RIPOR1: variants seen among roughly 807,000 people sequenced by gnomAD.
The protein encoded by RIPOR1 is RHO family interacting cell polarization regulator 1, also known as rho family-interacting cell polarization regulator 1.
In RIPOR1, 58 loss-of-function variants were observed where a neutral mutation model predicts 116.5. That is an observed-to-expected ratio of 0.50 (90% CI 0.40 to 0.62). The LOEUF is 0.62. Ranked by LOEUF, RIPOR1 falls within the 20% of genes least tolerant of loss-of-function variation. The pLI is 0.00. For missense variants in RIPOR1, 1,372 were observed against 1,586.2 expected (o/e 0.86, Z 2.29); for synonymous variants, 605 against 650.0 (o/e 0.93, Z 1.05).
chr16:67,542,233 C>T lies in RIPOR1; in HGVS notation c.1447C>T (p.Pro483Ser). Residue 483 changes from proline to serine, a missense_variant, in exon 13 of 22, where the codon CCA (proline) becomes TCA (serine). By Grantham distance (74) the Pro-to-Ser change is moderately conservative. Coordinates refer to ENST00000042381, the MANE Select transcript of RIPOR1 (RefSeq NM_024519.4). This position sits in a 1 kb window ranked among gnomAD's most constrained non-coding sequence, Gnocchi z 4.6. ...CTGGGGACCTAGCCCACCTACACACCCAGCTCCCACCCATGGAGAGCACCC... is the reference window on the plus strand; with the variant it reads ...CTGGGGACCTAGCCCACCTACACACTCAGCTCCCACCCATGGAGAGCACCC... ...LAWGPSPPTH[P>S]APTHGEHPSP... 4.3e-6 allele frequency: 7 copies of T among 1,613,558 alleles called. No homozygotes were observed. Among genetic ancestry groups the T allele is most frequent in the Non-Finnish European group, 5.1e-6 (6 of 1,179,648 alleles).
intron 1 of RIPOR1, among the ~76,000 whole-genome samples, chr16:67,532,153 C>A (rs2050678689): frequency 6.6e-6 from 1 of 152,092 alleles, no homozygotes; most frequent in Admixed American, 6.5e-5. Flanking sequence ...CCCTCCTCAG[C>A]CTCCCAAAGT....
Position 67,542,071 on chromosome 16 carries a change from G to A in RIPOR1, c.1285G>A (p.Glu429Lys), listed in dbSNP as rs754372118. Residue 429 changes from glutamate to lysine, a missense_variant, in exon 13 of 22, where the codon GAG becomes AAG. This residue lies in a region of RIPOR1 where 1,005 missense variants were observed against 1,144.7 expected (regional missense o/e 0.88). Transcript: ENST00000042381. The surrounding 1 kb of genome is among the most constrained non-coding windows in gnomAD (Gnocchi z 4.6). ...PETPSSGPLD[E>K]EGAVAPVLAN... The stretch of plus-strand genomic sequence containing the variant: ...GACCCCCAGCTCTGGGCCCTTGGAT[G>A]AGGAGGGGGCCGTGGCCCCAGTCCT... 5.6e-6 allele frequency: 9 copies of A among 1,606,244 alleles called. No individual in the cohort carries two copies. The highest frequency in any genetic ancestry group is 5.0e-5 in the Admixed American group (3 of 59,722).
chr16:67,522,025 TTTGTTG>T (rs34745420), intron 1 of RIPOR1, among the ~76,000 whole-genome samples: 27 of 151,558 alleles, frequency 1.8e-4, no homozygotes, highest in Admixed American at 1.6e-3. Context: ...CACCATGTTT[TTTGTTG>T]TTGTTGTTGT....
chr16:67,523,684 CTT>C (rs374534111), intron 1 of RIPOR1, among the ~76,000 whole-genome samples: 12 of 144,858 alleles, frequency 8.3e-5, no homozygotes, highest in Admixed American at 1.4e-4. Context: ...TACCCTTAAA[CTT>C]TTTTTTTTTT....
In RIPOR1 at chr16:67,544,056, T is replaced by C. The variant is rs1216153231; in HGVS notation, c.2601-243T>C. ...CCCGCCTGCAGCCTACTCCTACCCATGCCATCCCCAGTGGTCCCAGCTGGA... is the reference window on the plus strand; with the variant it reads ...CCCGCCTGCAGCCTACTCCTACCCACGCCATCCCCAGTGGTCCCAGCTGGA... On this transcript the variant is annotated intron_variant, in intron 14 of 21. Coordinates refer to ENST00000042381, the MANE Select transcript of RIPOR1 (RefSeq NM_024519.4). This position sits in a 1 kb window ranked among gnomAD's most constrained non-coding sequence, Gnocchi z 5.1. Among the ~76,000 whole-genome samples the C allele has an allele frequency of 1.3e-5, 2 of 152,086 alleles. No homozygotes were observed. The highest frequency in any genetic ancestry group is 2.9e-5 in the Non-Finnish European group (2 of 68,008).
In RIPOR1 at chr16:67,540,283, C is replaced by T. The variant is rs764959997; in HGVS notation, c.568-17C>T. ...GCTGGCCCTTGACCCCCTCCTGTCCCTGCCCCTCCCTCCCAGAGCATGTGT... is the reference window on the plus strand; with the variant it reads ...GCTGGCCCTTGACCCCCTCCTGTCCTTGCCCCTCCCTCCCAGAGCATGTGT... On this transcript the variant is annotated splice_polypyrimidine_tract_variant and intron_variant, in intron 7 of 21. Coordinates refer to ENST00000042381, the MANE Select transcript of RIPOR1 (RefSeq NM_024519.4). This position sits in a 1 kb window ranked among gnomAD's most constrained non-coding sequence, Gnocchi z 4.7. 2 of 1,613,980 alleles carry T rather than the reference C, an allele frequency of 1.2e-6. No individual in the cohort carries two copies. The highest frequency in any genetic ancestry group is 2.2e-5 in the South Asian group (2 of 91,090).
chr16:67,527,817 C>A (rs534315147), upstream of RIPOR1, among the ~76,000 whole-genome samples: 1 of 148,190 alleles, frequency 6.7e-6, no homozygotes, highest in Non-Finnish European at 1.5e-5. Flanking sequence ...GGAGCTTGCA[C>A]TGCATTCCAG....
intron 1 of RIPOR1, among the ~76,000 whole-genome samples, chr16:67,535,201 T>C (rs184792389): frequency 1.3e-5 from 2 of 152,312 alleles, no homozygotes; most frequent in East Asian, 3.9e-4. Context: ...GGAGAAAGTC[T>C]GAAACACCCC....
upstream of RIPOR1, among the ~76,000 whole-genome samples, chr16:67,525,331 C>G (rs2050530466): frequency 6.6e-6 from 1 of 152,192 alleles, no homozygotes; most frequent in African/African-American, 2.4e-5. Flanking sequence ...GAGATCTCAC[C>G]TCTGGTCACC....
At chr16:67,532,645 A>T (rs1210034844) in intron 1 of RIPOR1, among the ~76,000 whole-genome samples, 1 of 152,084 alleles carries the variant, frequency 6.6e-6, no homozygotes, top group Admixed American at 6.6e-5. Flanking sequence ...CTTTTTACAG[A>T]TGGGTGTCTG....
chr16:67,535,464 T>C (rs1286821629), intron 1 of RIPOR1, among the ~76,000 whole-genome samples: 3 of 152,244 alleles, frequency 2.0e-5, no homozygotes, highest in Non-Finnish European at 4.4e-5. Flanking sequence ...ATGGTGGCTG[T>C]GGATCCAGGC....
chr16:67,531,221 G>A lies in RIPOR1; in HGVS notation c.-24+2307G>A, dbSNP rs965161325. 6.6e-6 allele frequency among the ~76,000 whole-genome samples: 1 copy of A among 151,972 alleles called. No individual in the cohort carries two copies. Among genetic ancestry groups the A allele is most frequent in the African/African-American group, 2.4e-5 (1 of 41,358 alleles). On this transcript the variant is annotated intron_variant, in intron 1 of 21. Coordinates refer to ENST00000042381, the MANE Select transcript of RIPOR1 (RefSeq NM_024519.4). The surrounding 1 kb of genome is among the most constrained non-coding windows in gnomAD (Gnocchi z 4.2). ...AGGGAGAGGGAGGATTGCATGTCGG[G>A]TAGGGGAGTTGGGGTGGACATAGAC...
Position 67,536,548 on chromosome 16 carries a change from A to AG in RIPOR1, c.-23-1873dup, listed in dbSNP as rs754548567. 4.6e-5 allele frequency among the ~76,000 whole-genome samples: 7 copies of AG among 152,182 alleles called. No homozygotes were observed. The South Asian group carries it at 8.3e-4, about 18-fold the overall frequency. ...CATTAGCCTAGGATGCAGCTTGACT[A>AG]GGGAGGAGGCCCTGGCTGGCAGCCA... On this transcript the variant is annotated intron_variant, in intron 1 of 21. Transcript: ENST00000042381.
At position 67,528,832 on chromosome 16, in the gene RIPOR1, G is replaced by T; in HGVS notation, c.-106G>T. On this transcript the variant is annotated 5_prime_UTR_variant, in exon 1 of 22. Transcript: ENST00000042381. ...GGGAGGGGCCGGCGCCTGCGGCGGC[G>T]ACAGCGGCAGCTGCGGCGCGACCAG... The T allele has an allele frequency of 6.4e-6, 1 of 157,098 alleles. No homozygotes were observed. Among genetic ancestry groups the T allele is most frequent in the South Asian group, 1.7e-4 (1 of 6,056 alleles). 9.7% of individuals were successfully genotyped at this position (157,098 alleles called of 1,614,324 possible).
At position 67,545,480 on chromosome 16, in the gene RIPOR1, G is replaced by A. The variant is rs2051133130; in HGVS notation, c.3136G>A (p.Glu1046Lys). 1 of 1,613,998 alleles carries A rather than the reference G, an allele frequency of 6.2e-7. No homozygotes were observed. Among genetic ancestry groups the A allele is most frequent in the African/African-American group, 1.3e-5 (1 of 75,058 alleles). Residue 1046 changes from glutamate to lysine, a missense_variant, in exon 18 of 22, where the codon GAA (glutamate) becomes AAA (lysine). This residue lies in a region of RIPOR1 where 1,005 missense variants were observed against 1,144.7 expected (regional missense o/e 0.88). Coordinates refer to ENST00000042381, the MANE Select transcript of RIPOR1 (RefSeq NM_024519.4). This position sits in a 1 kb window ranked among gnomAD's most constrained non-coding sequence, Gnocchi z 4.8. Reference protein sequence around the residue: ...LTVFQFWSFVETLDSPTMEAY... With the variant: ...LTVFQFWSFVKTLDSPTMEAY... ...AGTCTTCCAGTTCTGGAGTTTTGTG[G>A]AAACCTTGGACAGCCCCACCATGGA...
chr16:67,539,914 T>C lies in RIPOR1; in HGVS notation c.414+15T>C, dbSNP rs749156822. 1.4e-5 allele frequency: 22 copies of C among 1,613,966 alleles called. No homozygotes were observed. Among genetic ancestry groups the C allele is most frequent in the East Asian group, 2.2e-5 (1 of 44,892 alleles). On this transcript the variant is annotated intron_variant, in intron 6 of 21. Coordinates refer to ENST00000042381, the MANE Select transcript of RIPOR1 (RefSeq NM_024519.4). ...ATGCCAGCAAGGTACGAGTGCAGCA[T>C]GTGTGCAGAGTGGGGTGGGGGGTTG...
rs776731226 is a variant in RIPOR1 at position 67,545,152 on chromosome 16, A to C, written c.3031+35A>C. On this transcript the variant is annotated intron_variant, in intron 17 of 21. Coordinates refer to ENST00000042381, the MANE Select transcript of RIPOR1 (RefSeq NM_024519.4). This position sits in a 1 kb window ranked among gnomAD's most constrained non-coding sequence, Gnocchi z 4.8. Reference sequence around the variant, plus strand: ...CTGCTTCCTCCTTCCACCCTTGCTCAGATTCCCAGTGACAGGAAGCTCGGG... The same window carrying C: ...CTGCTTCCTCCTTCCACCCTTGCTCCGATTCCCAGTGACAGGAAGCTCGGG... 1 of 1,602,936 alleles carries C rather than the reference A, an allele frequency of 6.2e-7. No individual in the cohort carries two copies. Among genetic ancestry groups the C allele is most frequent in the Non-Finnish European group, 8.5e-7 (1 of 1,175,748 alleles).
rs758853520 is a variant in RIPOR1 at position 67,542,912 on chromosome 16, C to T, written c.2126C>T (p.Pro709Leu). ...PGTDSLPCSP[P>L]VSNSYTQADP... ...ACTGACTCCCTTCCCTGTAGTCCCC[C>T]AGTCTCCAATTCCTACACTCAGGCA... The change falls in exon 13 of 22, where the codon CCA (proline) becomes CTA (leucine). Residue 709 changes from proline to leucine, a missense_variant. This residue lies in a region of RIPOR1 where 1,005 missense variants were observed against 1,144.7 expected (regional missense o/e 0.88). Transcript: ENST00000042381. This position sits in a 1 kb window ranked among gnomAD's most constrained non-coding sequence, Gnocchi z 4.6. The T allele has an allele frequency of 1.9e-6, 3 of 1,607,374 alleles. No homozygotes were observed. The highest frequency in any genetic ancestry group is 2.2e-5 in the East Asian group (1 of 44,812).
At chr16:67,525,268 G>A (rs1219960051), upstream of RIPOR1, among the ~76,000 whole-genome samples, 1 of 152,212 alleles carries the variant, frequency 6.6e-6, no homozygotes, top group African/African-American at 2.4e-5. Flanking sequence ...GAGGTGCAGA[G>A]ACTTGGACAT....
Sources: allele counts gnomAD v4.1 joint callset (sites outside exome capture counted in the v4.1 genomes callset), GRCh38; gene constraint gnomAD v4.1.1; regional missense constraint gnomAD v4.1.1; non-coding constraint Gnocchi (gnomAD v3.1); transcripts MANE v1.5; gene names NCBI Gene and HGNC (gene_info 2026-07-23, HGNC 2026-07-21).